CNTN5: variants seen among roughly 807,000 people sequenced by gnomAD.
The protein encoded by CNTN5 is contactin 5, also known as contactin-5.
A neutral mutation model predicts 129.1 loss-of-function variants in CNTN5; 77 were observed. That is an observed-to-expected ratio of 0.60 (90% CI 0.50 to 0.72). The LOEUF (loss-of-function observed/expected upper bound fraction) is 0.72. Ranked by LOEUF, CNTN5 falls within the 30% of genes least tolerant of loss-of-function variation. The pLI is 0.00. For missense variants in CNTN5, 1,478 were observed against 1,328.8 expected, an observed-to-expected ratio of 1.11 and a Z score of -1.75; for synonymous variants, 509 against 465.6, an observed-to-expected ratio of 1.09 and a Z score of -1.20.
chr11:100,059,652 C>G (rs1943380292), intron 9 of CNTN5, among the ~76,000 whole-genome samples: 2 of 151,968 alleles, frequency 1.3e-5, no homozygotes, highest in South Asian at 4.1e-4. Context: ...ATTTTTTGCC[C>G]TATAAATACT....
chr11:99,397,987 A>G (rs767157244), intron 2 of CNTN5, among the ~76,000 whole-genome samples: 1 of 151,836 alleles, frequency 6.6e-6, no homozygotes, highest in Non-Finnish European at 1.5e-5. Context: ...CTATATCTAT[A>G]TTAAGCTAAA....
intron 2 of CNTN5, among the ~76,000 whole-genome samples, chr11:99,355,318 A>G (rs1053282255): frequency 2.0e-5 from 3 of 152,174 alleles, no homozygotes; most frequent in African/African-American, 7.2e-5. Flanking sequence ...TATGTCCTCG[A>G]ATACTAAACA....
chr11:100,004,356 C>G (rs761742661), intron 9 of CNTN5, among the ~76,000 whole-genome samples: 1 of 152,094 alleles, frequency 6.6e-6, no homozygotes, highest in African/African-American at 2.4e-5. Flanking sequence ...ATCTCTCTCC[C>G]CCTGTTCTTT....
At chr11:99,416,436 A>G (rs1328852562) in intron 2 of CNTN5, among the ~76,000 whole-genome samples, 6 of 152,000 alleles carry the variant, frequency 3.9e-5, no homozygotes, top group Non-Finnish European at 8.8e-5. Flanking sequence ...AAGCATCACC[A>G]TGCCTGGCTA....
rs138082381 is a variant in CNTN5, at chr11:99,406,469, C to T, written c.-71+80985C>T. Among the ~76,000 whole-genome samples, 388 of 152,238 alleles carry T rather than the reference C, an allele frequency of 2.5e-3. 1 individual carries two copies. Among genetic ancestry groups the T allele is most frequent in the African/African-American group, 8.9e-3 (368 of 41,534 alleles). On this transcript the variant is annotated intron_variant, in intron 2 of 24. Coordinates refer to ENST00000524871, the MANE Select transcript of CNTN5 (RefSeq NM_014361.4). ...TTGAGTGACACAAGCTCCCCTGTGG[C>T]CACTGCTCCTAGGACTGCACTGGGT...
Position 99,058,971 on chromosome 11 carries a change from CACAT to C in CNTN5, c.-210+37711_-210+37714del, listed in dbSNP as rs533553449. ...TATATATAGTTATAATTTATATATA[CACAT>C]ACATACATATATAATAATGTATATA... On this transcript the variant is annotated intron_variant, in intron 1 of 24. Coordinates refer to ENST00000524871, the MANE Select transcript of CNTN5 (RefSeq NM_014361.4). Among the ~76,000 whole-genome samples the C allele has an allele frequency of 3.7e-3, 547 of 148,644 alleles. 2 individuals carry two copies. Among genetic ancestry groups the C allele is most frequent in the Non-Finnish European group, 4.5e-3 (300 of 67,330 alleles).
At chr11:99,323,597 G>T (rs1865660444) in intron 1 of CNTN5, among the ~76,000 whole-genome samples, 1 of 151,620 alleles carries the variant, frequency 6.6e-6, no homozygotes, top group East Asian at 1.9e-4. Context: ...AGGGAAAAAT[G>T]ATGCACTGTA....
Position 99,116,523 on chromosome 11 carries a change from A to C in CNTN5, c.-210+95253A>C, listed in dbSNP as rs536730900. ...ATTTCCTATTCTCAGGTTGCACGTT[A>C]CATAATAGGCATGCAATTGACCAAC... On this transcript the variant is annotated intron_variant, in intron 1 of 24. Coordinates refer to ENST00000524871, the MANE Select transcript of CNTN5 (RefSeq NM_014361.4). 1.3e-4 allele frequency among the ~76,000 whole-genome samples: 20 copies of C among 152,296 alleles called. No individual in the cohort carries two copies. The South Asian group carries it at 4.1e-3, about 32-fold the overall frequency.
At position 99,498,532 on chromosome 11, in the gene CNTN5, C is replaced by CT. The variant is rs537491979; in HGVS notation, c.-70-57608dup. On this transcript the variant is annotated intron_variant, in intron 2 of 24. Coordinates refer to ENST00000524871, the MANE Select transcript of CNTN5 (RefSeq NM_014361.4). Reference sequence around the variant, plus strand: ...TCTCCCTAACTAGCATCAATGTTCCCTTTTTCCCAAACTTTCCTTTGAGAA... The same window carrying CT: ...TCTCCCTAACTAGCATCAATGTTCCCTTTTTTCCCAAACTTTCCTTTGAGAA... Among the ~76,000 whole-genome samples the CT allele has an allele frequency of 1.0e-3, 153 of 152,278 alleles. 1 individual carries two copies. The highest frequency in any genetic ancestry group is 3.5e-3 in the African/African-American group (145 of 41,570).
At chr11:99,709,609 A>G (rs932700865) in intron 3 of CNTN5, among the ~76,000 whole-genome samples, 2 of 151,914 alleles carry the variant, frequency 1.3e-5, no homozygotes, top group African/African-American at 4.8e-5. Context: ...TAAATTTCAC[A>G]TTTCTAAATT....
At position 100,001,528 on chromosome 11, in the gene CNTN5, C is replaced by T. The variant is rs186336336; in HGVS notation, c.878-506C>T. ...TTTGATAGATAGCTTTTCTCCCATA[C>T]TTGAGTGTACAGTATGTTGTTTCTC... On this transcript the variant is annotated intron_variant, in intron 8 of 24. Coordinates refer to ENST00000524871, the MANE Select transcript of CNTN5 (RefSeq NM_014361.4). Among the ~76,000 whole-genome samples, 51 of 152,320 alleles carry T rather than the reference C, an allele frequency of 3.3e-4. 1 individual carries two copies. The highest frequency in any genetic ancestry group is 2.9e-3 in the Admixed American group (45 of 15,302).
chr11:100,001,587 C>A (rs1255126287), intron 8 of CNTN5, among the ~76,000 whole-genome samples: 1 of 152,146 alleles, frequency 6.6e-6, no homozygotes, highest in Non-Finnish European at 1.5e-5. Context: ...TGCTTGAGAG[C>A]ACAACTGATT....
intron 3 of CNTN5, among the ~76,000 whole-genome samples, chr11:99,794,022 C>T (rs1352068685): frequency 6.6e-6 from 1 of 152,112 alleles, no homozygotes; most frequent in Non-Finnish European, 1.5e-5. Context: ...GTGTTGTAGT[C>T]TTCCATTATT....
chr11:99,123,129 C>A (rs1434843945), intron 1 of CNTN5, among the ~76,000 whole-genome samples: 1 of 152,036 alleles, frequency 6.6e-6, no homozygotes, highest in Non-Finnish European at 1.5e-5. Context: ...ACACTGCTTT[C>A]TACAATGGCT....
At chr11:99,380,976 C>T (rs924449897) in intron 2 of CNTN5, among the ~76,000 whole-genome samples, 1 of 151,904 alleles carries the variant, frequency 6.6e-6, no homozygotes, top group Non-Finnish European at 1.5e-5. Flanking sequence ...TTAAGAAGTA[C>T]CAAAATCTGA....
chr11:99,499,678 T>C (rs1946356125), intron 2 of CNTN5, among the ~76,000 whole-genome samples: 3 of 152,234 alleles, frequency 2.0e-5, no homozygotes, highest in Admixed American at 2.0e-4. Flanking sequence ...ATTTATTTAT[T>C]CTAACAATTT....
intron 8 of CNTN5, among the ~76,000 whole-genome samples, chr11:99,982,697 G>A (rs1398390011): frequency 6.6e-6 from 1 of 152,090 alleles, no homozygotes; most frequent in African/African-American, 2.4e-5. Context: ...CTGGAGTGCA[G>A]TGGGGCGATC....
intron 7 of CNTN5, among the ~76,000 whole-genome samples, chr11:99,946,293 C>T (rs559156355): frequency 3.9e-5 from 6 of 152,136 alleles, no homozygotes; most frequent in African/African-American, 1.4e-4. Flanking sequence ...AGTTTCTAGT[C>T]TTGAGATTTG....
intron 1 of CNTN5, among the ~76,000 whole-genome samples, chr11:99,160,609 G>A (rs1860561592): frequency 6.6e-6 from 1 of 152,114 alleles, no homozygotes; most frequent in South Asian, 2.1e-4. Flanking sequence ...GCACAAAGGG[G>A]AGTAAACTTA....
Sources: gnomAD v4.1 joint callset for allele counts (sites outside exome capture counted in the v4.1 genomes callset) on GRCh38, gnomAD v4.1.1 for gene constraint, MANE v1.5 for transcripts, NCBI Gene and HGNC (gene_info 2026-07-23, HGNC 2026-07-21) for gene names.